Variants in CLUAP1 observed in about 807,000 individuals in gnomAD.
The protein encoded by CLUAP1 is clusterin-associated protein 1.
A neutral mutation model predicts 55.0 loss-of-function variants in CLUAP1; 50 were observed. That is an observed-to-expected ratio of 0.91 (90% CI 0.72 to 1.15). The LOEUF is 1.15. Ranked by LOEUF, CLUAP1 falls within the 50% of genes most tolerant of loss-of-function variation. The pLI, the probability that CLUAP1 is intolerant of heterozygous loss-of-function variation, is 0.00. For missense variants in CLUAP1, 530 were observed against 507.6 expected (o/e 1.04, Z -0.42); for synonymous variants, 195 against 175.4 (o/e 1.11, Z -0.88).
intron 4 of CLUAP1, among the ~76,000 whole-genome samples, chr16:3,512,040 G>C (rs1452298670): frequency 6.6e-6 from 1 of 152,136 alleles, no homozygotes; most frequent in Admixed American, 6.5e-5. Flanking sequence ...TACAAAATTA[G>C]CCGGGCGTGG....
intron 9 of CLUAP1, among the ~76,000 whole-genome samples, chr16:3,529,965 A>G (rs1212266041): frequency 2.3e-5 from 3 of 132,898 alleles, no homozygotes. Context: ...TATATAATAT[A>G]TTAGTATTAG....
chr16:3,508,911 GGAAA>G (rs1199945507), intron 4 of CLUAP1, among the ~76,000 whole-genome samples: 1 of 140,392 alleles, frequency 7.1e-6, no homozygotes, highest in Non-Finnish European at 1.5e-5. Context: ...TCCAAGGGAG[GGAAA>G]GAGTGAGTTG....
chr16:3,513,837 A>G (rs967589294), intron 5 of CLUAP1, among the ~76,000 whole-genome samples: 2 of 152,124 alleles, frequency 1.3e-5, no homozygotes, highest in African/African-American at 4.8e-5. Context: ...AAACTAAATG[A>G]ATTTCTTTCA....
At chr16:3,529,482 T>TTA (rs2038021067) in intron 9 of CLUAP1, among the ~76,000 whole-genome samples, 2 of 79,152 alleles carry the variant, frequency 2.5e-5, no homozygotes. Flanking sequence ...ATATTATATA[T>TTA]TATATAATTA....
intron 7 of CLUAP1, among the ~76,000 whole-genome samples, chr16:3,522,036 G>T (rs1596396727): frequency 6.6e-6 from 1 of 152,024 alleles, no homozygotes; most frequent in Non-Finnish European, 1.5e-5. Context: ...TGTAGCCTGG[G>T]TGACAAAGTG....
chr16:3,521,727 C>T (rs73503356), intron 7 of CLUAP1, among the ~76,000 whole-genome samples: 4 of 151,614 alleles, frequency 2.6e-5, no homozygotes, highest in Non-Finnish European at 2.9e-5. Context: ...GTCATCATCA[C>T]GCCTGGCCTT....
At chr16:3,531,054 A>G (rs62037030) in intron 10 of CLUAP1, among the ~76,000 whole-genome samples, 2,198 of 152,310 alleles carry the variant, frequency 0.014, 22 homozygotes, top group Middle Eastern at 0.024. Flanking sequence ...TTTACTCATC[A>G]CAAAAGATTC....
In CLUAP1 at chr16:3,538,997, A is replaced by T. The variant is rs1199598147; in HGVS notation, c.*2726A>T. 6.6e-6 allele frequency: 1 copy of T among 151,384 alleles called. No homozygotes were observed. The highest frequency in any genetic ancestry group is 2.4e-5 in the African/African-American group (1 of 41,174). 9.4% of individuals were successfully genotyped at this position (151,384 alleles called of 1,614,324 possible). On this transcript the variant is annotated 3_prime_UTR_variant, in exon 12 of 12. Coordinates refer to ENST00000576634, the MANE Select transcript of CLUAP1 (RefSeq NM_015041.3). ...ATTAGAGGACTTCCTAAAATGCTTT[A>T]AAAAAAAATGTGTATGGATGGAAAA... is the stretch of plus-strand genomic sequence containing the variant.
At chr16:3,515,217 A>G (rs1386049502) in intron 5 of CLUAP1, among the ~76,000 whole-genome samples, 1 of 151,850 alleles carries the variant, frequency 6.6e-6, no homozygotes, top group African/African-American at 2.4e-5. Context: ...AAGAAGCAGC[A>G]GCAAATTTGG....
At chr16:3,530,343 T>C in intron 9 of CLUAP1, 1 of 457,848 alleles carries the variant, frequency 2.2e-6, no homozygotes. Flanking sequence ...TGGTTTGAGT[T>C]GTAAGAAGAA....
intron 1 of CLUAP1, among the ~76,000 whole-genome samples, chr16:3,502,300 C>T (rs1038690071): frequency 3.3e-5 from 5 of 151,976 alleles, no homozygotes; most frequent in East Asian, 1.9e-4. Context: ...AAAAATTAGC[C>T]GGGCATGGTG....
chr16:3,498,160 G>A (rs369467416), upstream of CLUAP1, among the ~76,000 whole-genome samples: 13 of 152,150 alleles, frequency 8.5e-5, no homozygotes, highest in East Asian at 2.1e-3. Flanking sequence ...GAGCTCCAAT[G>A]TCCAAGGGCA....
intron 2 of CLUAP1, among the ~76,000 whole-genome samples, chr16:3,505,346 C>G (rs1245635983): frequency 6.6e-6 from 1 of 151,960 alleles, no homozygotes; most frequent in Non-Finnish European, 1.5e-5. Context: ...CTGGCTAACA[C>G]GGTGAAACCC....
intron 4 of CLUAP1, among the ~76,000 whole-genome samples, chr16:3,508,802 G>A (rs1033899168): frequency 2.6e-5 from 4 of 152,098 alleles, no homozygotes; most frequent in Admixed American, 6.6e-5. Flanking sequence ...GCAGGCTGTG[G>A]AGAATAATAA....
In CLUAP1 at chr16:3,508,310, C is replaced by G; in HGVS notation, c.241C>G (p.Leu81Val). The G allele has an allele frequency of 1.3e-6, 2 of 1,599,054 alleles. No homozygotes were observed. The highest frequency in any genetic ancestry group is 1.7e-6 in the Non-Finnish European group (2 of 1,175,816). Residue 81 changes from leucine (L) to valine (V), a missense_variant, in exon 4 of 12, where the codon CTC (leucine) becomes GTC (valine). Leu to Val is a conservative substitution (Grantham distance 32). Transcript: ENST00000576634. ...ATAGGCCACCAAGGCACATATAAAACTCAACACTAAGAAGCTTTATCAAGC... is the reference window on the plus strand; with the variant it reads ...ATAGGCCACCAAGGCACATATAAAAGTCAACACTAAGAAGCTTTATCAAGC... ...QFMATKAHIK[L>V]NTKKLYQADG...
At chr16:3,495,552 C>A in the CLUAP1 span, 1 of 1,497,990 alleles carries the variant, frequency 6.7e-7, no homozygotes, top group Non-Finnish European at 8.9e-7. Flanking sequence ...GGAAGACTCC[C>A]AGCCTTCCTG....
In CLUAP1 at chr16:3,537,798, A is replaced by T. The variant is rs1240704742; in HGVS notation, c.*1527A>T. The T allele has an allele frequency of 6.6e-6, 1 of 152,230 alleles. No homozygotes were observed. Among genetic ancestry groups the T allele is most frequent in the Non-Finnish European group, 1.5e-5 (1 of 68,098 alleles). The allele number at this position is 152,230 out of a possible 1,614,324, so 9.4% of individuals were successfully genotyped here. A position where few individuals can be genotyped will look rare whatever the true frequency, so the allele number is the denominator to read the frequency against. On this transcript the variant is annotated 3_prime_UTR_variant, in exon 12 of 12. Coordinates refer to ENST00000576634, the MANE Select transcript of CLUAP1 (RefSeq NM_015041.3). The stretch of plus-strand genomic sequence containing the variant: ...TAGATCACCTGAGGTCAGGGGTTTG[A>T]GACCAGCCTGGCCAACATGGCGAAA...
intron 6 of CLUAP1, among the ~76,000 whole-genome samples, 191 bp downstream of exon 6, chr16:3,515,782 A>G (rs1303079663): frequency 6.6e-6 from 1 of 151,712 alleles, no homozygotes; most frequent in Non-Finnish European, 1.5e-5. Context: ...CGTTATAAAT[A>G]AAAACAGCTT....
intron 1 of CLUAP1, among the ~76,000 whole-genome samples, chr16:3,504,192 G>A (rs1281034509): frequency 6.6e-6 from 1 of 151,992 alleles, no homozygotes; most frequent in Non-Finnish European, 1.5e-5. Context: ...CTAAATACAA[G>A]GCGACTGATC....
Sources: allele counts gnomAD v4.1 joint callset (sites outside exome capture counted in the v4.1 genomes callset), GRCh38; gene constraint gnomAD v4.1.1; transcripts MANE v1.5; gene names NCBI Gene and HGNC (gene_info 2026-07-23, HGNC 2026-07-21).